The following CNTNAP2 variants were observed in gnomAD, a reference collection of about 807,000 sequenced individuals.
CNTNAP2 encodes the protein contactin associated protein 2, also known as contactin-associated protein-like 2.
Under a neutral mutation model 155.2 loss-of-function variants are expected in CNTNAP2, and 98 were observed. The ratio of observed to expected loss-of-function variants is 0.63; its 90% CI spans 0.54 to 0.75. The LOEUF (loss-of-function observed/expected upper bound fraction) is 0.75. CNTNAP2 is among the 30% of genes least tolerant of loss of function. The pLI, the probability that CNTNAP2 is intolerant of heterozygous loss-of-function variation, is 0.00. For missense variants in CNTNAP2, 1,727 were observed against 1,688.1 expected, an observed-to-expected ratio of 1.02 and a Z score of -0.40; for synonymous variants, 651 against 631.2, an observed-to-expected ratio of 1.03 and a Z score of -0.47.
intron 1 of CNTNAP2, among the ~76,000 whole-genome samples, chr7:146,174,359 G>A (rs1044700173): frequency 1.3e-5 from 2 of 151,820 alleles, no homozygotes; most frequent in African/African-American, 4.8e-5. Flanking sequence ...TAAAACTATA[G>A]GCCAGGAGCA....
At chr7:146,429,583 T>G (rs756996465) in intron 1 of CNTNAP2, among the ~76,000 whole-genome samples, 2 of 152,208 alleles carry the variant, frequency 1.3e-5, no homozygotes, top group African/African-American at 2.4e-5. Flanking sequence ...TTTTGTATCC[T>G]GAGACTTTGC....
intron 1 of CNTNAP2, among the ~76,000 whole-genome samples, chr7:146,144,037 C>T (rs1438740532): frequency 6.6e-6 from 1 of 152,192 alleles, no homozygotes; most frequent in Non-Finnish European, 1.5e-5. Context: ...GCTAGGATTA[C>T]AGGTGTGAGC....
At chr7:148,224,482 A>G (rs1340964214) in intron 19 of CNTNAP2, among the ~76,000 whole-genome samples, 1 of 152,220 alleles carries the variant, frequency 6.6e-6, no homozygotes, top group Admixed American at 6.5e-5. Flanking sequence ...GAGTGGTATG[A>G]CTTGAAAATA....
chr7:146,459,585 A>C (rs1190245866), intron 1 of CNTNAP2, among the ~76,000 whole-genome samples: 2 of 152,174 alleles, frequency 1.3e-5, no homozygotes, highest in African/African-American at 4.8e-5. Flanking sequence ...CTTCCTGAAC[A>C]TGACATTTGG....
chr7:148,137,552 C>G (rs762145957), intron 16 of CNTNAP2, among the ~76,000 whole-genome samples: 2 of 152,078 alleles, frequency 1.3e-5, no homozygotes, highest in Non-Finnish European at 2.9e-5. Context: ...GTCCCAGCCA[C>G]TCGGGAGGTT....
Position 148,416,438 on chromosome 7 carries a change from G to GT in CNTNAP2, c.*826dup, listed in dbSNP as rs1799991322. The GT allele has an allele frequency of 6.6e-6, 1 of 152,138 alleles. No homozygotes were observed. The highest frequency in any genetic ancestry group is 1.9e-4 in the East Asian group (1 of 5,202). 9.4% of individuals were successfully genotyped at this position (152,138 alleles called of 1,614,324 possible). ...CAGCTGTTACAAAAGATTTTTTCCT[G>GT]TTTTATCTGAAACATACTGGATTTA... On this transcript the variant is annotated 3_prime_UTR_variant, in exon 24 of 24. Coordinates refer to ENST00000361727, the MANE Select transcript of CNTNAP2 (RefSeq NM_014141.6).
intron 1 of CNTNAP2, among the ~76,000 whole-genome samples, chr7:146,153,342 T>G (rs1372235210): frequency 6.6e-6 from 1 of 152,182 alleles, no homozygotes; most frequent in Admixed American, 6.6e-5. Flanking sequence ...TATGAACTGA[T>G]ACTCACACGT....
chr7:146,181,548 T>C (rs1798549608), intron 1 of CNTNAP2, among the ~76,000 whole-genome samples: 1 of 152,158 alleles, frequency 6.6e-6, no homozygotes, highest in Non-Finnish European at 1.5e-5. Flanking sequence ...TTTTTTCTCA[T>C]GCCATCCAAT....
rs564818556 is a variant in CNTNAP2 at position 147,196,511 on chromosome 7, T to C, written c.1348+64002T>C. 3.9e-5 allele frequency among the ~76,000 whole-genome samples: 6 copies of C among 152,344 alleles called. No homozygotes were observed. In the East Asian group the frequency reaches 1.2e-3, roughly 29 times the overall value. ...GATGAATTAGTATGATATAAAGCATTTGAAGCCTTAAGATGAAGGAACACT... is the reference window on the plus strand; with the variant it reads ...GATGAATTAGTATGATATAAAGCATCTGAAGCCTTAAGATGAAGGAACACT... On this transcript the variant is annotated intron_variant, in intron 8 of 23. Coordinates refer to ENST00000361727, the MANE Select transcript of CNTNAP2 (RefSeq NM_014141.6).
intron 18 of CNTNAP2, among the ~76,000 whole-genome samples, chr7:148,181,644 C>T (rs1795038999): frequency 6.7e-6 from 1 of 149,464 alleles, no homozygotes; most frequent in Admixed American, 6.7e-5. Flanking sequence ...GCAGAAAAAG[C>T]AAGTCCTCCG....
chr7:147,955,797 A>C (rs1287331676), intron 14 of CNTNAP2, among the ~76,000 whole-genome samples: 1 of 152,224 alleles, frequency 6.6e-6, no homozygotes, highest in Admixed American at 6.5e-5. Context: ...AGCGCCGTGC[A>C]CATATCTTGA....
At chr7:147,665,353 T>C (rs1382047023) in intron 13 of CNTNAP2, among the ~76,000 whole-genome samples, 6 of 152,220 alleles carry the variant, frequency 3.9e-5, no homozygotes, top group Admixed American at 3.9e-4. Context: ...TGTCTCCTAT[T>C]TTACCGTAGA....
At chr7:148,041,724 C>T (rs1274586999) in intron 15 of CNTNAP2, among the ~76,000 whole-genome samples, 1 of 152,136 alleles carries the variant, frequency 6.6e-6, no homozygotes, top group African/African-American at 2.4e-5. Flanking sequence ...TAGTTTCAGG[C>T]AATTCCTTGC....
intron 13 of CNTNAP2, among the ~76,000 whole-genome samples, chr7:147,761,020 G>A (rs746293206): frequency 2.0e-5 from 3 of 152,080 alleles, no homozygotes; most frequent in East Asian, 1.9e-4. Context: ...TATGGATTCC[G>A]GCTGCTGGCA....
chr7:146,433,961 A>G (rs1796207092), intron 1 of CNTNAP2, among the ~76,000 whole-genome samples: 1 of 152,262 alleles, frequency 6.6e-6, no homozygotes, highest in South Asian at 2.1e-4. Flanking sequence ...GTTTGCTGGA[A>G]AGAAAATAAT....
At chr7:147,639,043 T>C (rs1795231331) in intron 12 of CNTNAP2, 63 bp from the exon 13 acceptor site, 2 of 1,516,750 alleles carry the variant, frequency 1.3e-6, no homozygotes, top group Non-Finnish European at 1.8e-6. Context: ...AATTATTTTC[T>C]GACATTTGGA....
chr7:146,343,405 A>T (rs1794764382), intron 1 of CNTNAP2, among the ~76,000 whole-genome samples: 1 of 152,110 alleles, frequency 6.6e-6, no homozygotes, highest in Non-Finnish European at 1.5e-5. Context: ...AAAATCTTAA[A>T]TGTACAATAT....
At chr7:147,075,448 C>T (rs747097709) in intron 4 of CNTNAP2, among the ~76,000 whole-genome samples, 1 of 152,012 alleles carries the variant, frequency 6.6e-6, no homozygotes, top group Admixed American at 6.6e-5. Flanking sequence ...TCTAGCTCTA[C>T]CCAGCACGAA....
At chr7:147,932,878 A>G (rs1461063347) in intron 14 of CNTNAP2, among the ~76,000 whole-genome samples, 1 of 152,238 alleles carries the variant, frequency 6.6e-6, no homozygotes, top group Admixed American at 6.5e-5. Flanking sequence ...AAAAGCAAAC[A>G]AACTGATTTT....
Sources: gnomAD v4.1 joint callset for allele counts (sites outside exome capture counted in the v4.1 genomes callset) on GRCh38, gnomAD v4.1.1 for gene constraint, MANE v1.5 for transcripts, NCBI Gene and HGNC (gene_info 2026-07-23, HGNC 2026-07-21) for gene names.